Variants in DLAT observed in about 807,000 individuals in gnomAD.
DLAT encodes the protein dihydrolipoyllysine-residue acetyltransferase component of pyruvate dehydrogenase complex, mitochondrial.
Under a neutral mutation model 68.0 loss-of-function variants are expected in DLAT, and 43 were observed. The observed-to-expected ratio is 0.63, with a 90% CI of 0.50 to 0.81. The LOEUF is 0.81. Ranked by LOEUF, DLAT falls within the 40% of genes least tolerant of loss-of-function variation. The pLI is 0.00. For synonymous variants in DLAT, 265 were observed against 288.6 expected (o/e 0.92, Z 0.83); for missense variants, 745 against 815.4 (o/e 0.91, Z 1.05).
chr11:112,050,828 A>G (rs1025769985), intron 10 of DLAT, among the ~76,000 whole-genome samples: 1 of 152,250 alleles, frequency 6.6e-6, no homozygotes, highest in East Asian at 1.9e-4. Flanking sequence ...ATGACATAAC[A>G]TACTGTAACT....
At chr11:112,028,723 AT>A in intron 3 of DLAT, 68 bp from the exon 4 acceptor site, 1 of 1,613,938 alleles carries the variant, frequency 6.2e-7, no homozygotes, top group Non-Finnish European at 8.5e-7. Context: ...GTTAAAGACT[AT>A]TTTTTAAGAC....
At chr11:112,061,329 T>C in intron 13 of DLAT, 155 bp downstream of exon 13, 1 of 749,616 alleles carries the variant, frequency 1.3e-6, no homozygotes, top group Non-Finnish European at 2.3e-6. Context: ...AATATTTGCA[T>C]ATAACCTACA....
chr11:112,027,242 C>T (rs1417014657), intron 2 of DLAT, among the ~76,000 whole-genome samples: 6 of 150,710 alleles, frequency 4.0e-5, no homozygotes, highest in Non-Finnish European at 7.4e-5. Flanking sequence ...CGGGAAGAGA[C>T]GCTCCTCACC....
Position 112,033,463 on chromosome 11 carries a change from A to G in DLAT, c.720A>G (p.Lys240=), listed in dbSNP as rs782756596. 6.2e-7 allele frequency: 1 copy of G among 1,613,960 alleles called. No homozygotes were observed. Among genetic ancestry groups the G allele is most frequent in the South Asian group, 1.1e-5 (1 of 91,046 alleles). Residue 240 remains lysine, a synonymous_variant, in exon 5 of 14, where the codon AAA becomes AAG. Coordinates refer to ENST00000280346, the MANE Select transcript of DLAT (RefSeq NM_001931.5). The part of the protein sequence containing the change: ...MTMGTVQRWE[K]KVGEKLSEGD... ...TGGGCACAGTTCAGAGATGGGAAAA[A>G]AAAGTGGGTGAGAAGCTAAGTGAAG...
intron 5 of DLAT, among the ~76,000 whole-genome samples, chr11:112,034,994 C>T (rs187920815): frequency 1.3e-5 from 2 of 152,034 alleles, no homozygotes; most frequent in Admixed American, 6.6e-5. Context: ...AGGCTGGTCT[C>T]GAGCTCTTTA....
intron 13 of DLAT, 111 bp downstream of exon 13, chr11:112,061,285 C>A: frequency 8.9e-7 from 1 of 1,126,632 alleles, no homozygotes; most frequent in Non-Finnish European, 1.3e-6. Flanking sequence ...ATATCGTGAT[C>A]CACAATGCTC....
intron 5 of DLAT, among the ~76,000 whole-genome samples, chr11:112,035,314 T>A (rs1381957417): frequency 6.6e-6 from 1 of 152,178 alleles, no homozygotes; most frequent in Non-Finnish European, 1.5e-5. Context: ...CCCATAAATT[T>A]TATTTGAAGA....
intron 10 of DLAT, among the ~76,000 whole-genome samples, chr11:112,046,281 G>A (rs1555181477): frequency 6.6e-6 from 1 of 152,024 alleles, no homozygotes; most frequent in Non-Finnish European, 1.5e-5. Flanking sequence ...TCTATTTTGA[G>A]TTAATTTTTT....
intron 5 of DLAT, 108 bp from the exon 6 acceptor site, chr11:112,037,165 A>C: frequency 3.9e-6 from 4 of 1,032,316 alleles, no homozygotes; most frequent in Non-Finnish European, 5.9e-6. Context: ...AAAAAAGGCT[A>C]TATAGCTAGC....
intron 4 of DLAT, chr11:112,030,239 A>G (rs1432852346): frequency 3.5e-6 from 2 of 577,958 alleles, no homozygotes; most frequent in African/African-American, 1.9e-5. Flanking sequence ...AGAACTACCC[A>G]AAGTTCTCGG....
In DLAT at chr11:112,045,858, T is replaced by C. The variant is rs587668153; in HGVS notation, c.1291-5T>C. The stretch of plus-strand genomic sequence containing the variant: ...AATTGATTTTTTAAATCTCTTTGGT[T>C]TCAGGTTATTGCACAGCGATTAATG... On this transcript the variant is annotated splice_region_variant and splice_polypyrimidine_tract_variant and intron_variant, in intron 9 of 13. Transcript: ENST00000280346. The C allele has an allele frequency of 1.9e-6, 3 of 1,584,876 alleles. No homozygotes were observed. In the Admixed American group the frequency reaches 5.0e-5, roughly 26 times the overall value.
Position 112,061,413 on chromosome 11 carries a change from C to T in DLAT, c.1814+239C>T, listed in dbSNP as rs927360208. On this transcript the variant is annotated intron_variant, in intron 13 of 13. Coordinates refer to ENST00000280346, the MANE Select transcript of DLAT (RefSeq NM_001931.5). ...AAACAGCACTTCATTCACATGGATCCAGTGTAGTGCCCGGTGTGCAGCAAA... is the reference window on the plus strand; with the variant it reads ...AAACAGCACTTCATTCACATGGATCTAGTGTAGTGCCCGGTGTGCAGCAAA... 1.0e-5 allele frequency: 5 copies of T among 491,444 alleles called. No individual in the cohort carries two copies. The Admixed American group carries it at 1.7e-4, about 17-fold the overall frequency. The allele number at this position is 491,444 out of a possible 1,614,324, so 30.4% of individuals were successfully genotyped here.
At position 112,035,772 on chromosome 11, in the gene DLAT, G is replaced by A. The variant is rs1250209283; in HGVS notation, c.788-1501G>A. Reference sequence around the variant, plus strand: ...CAAAGTGCTGGGATTACAGGCGTGAGCCACCACCGCACCCAGCCTTTTTTT... The same window carrying A: ...CAAAGTGCTGGGATTACAGGCGTGAACCACCACCGCACCCAGCCTTTTTTT... On this transcript the variant is annotated intron_variant, in intron 5 of 13. Coordinates refer to ENST00000280346, the MANE Select transcript of DLAT (RefSeq NM_001931.5). Among the ~76,000 whole-genome samples, 5 of 143,712 alleles carry A rather than the reference G, an allele frequency of 3.5e-5. No homozygotes were observed. In the East Asian group the frequency reaches 1.0e-3, roughly 29 times the overall value. 94.3% of individuals were successfully genotyped at this position (143,712 alleles called of 152,430 possible).
chr11:112,059,034 G>T (rs1460004610), intron 11 of DLAT, among the ~76,000 whole-genome samples: 2 of 150,558 alleles, frequency 1.3e-5, no homozygotes, highest in African/African-American at 4.9e-5. Context: ...CTTGATAACA[G>T]AAGATCTGAT....
rs957900061 is a variant in DLAT at position 112,063,990 on chromosome 11, G to C, written c.*1455G>C. ...TGTTTCTAAATATTCATTATTACAT[G>C]GTACACAAGTGACACTCCATATATT... On this transcript the variant is annotated 3_prime_UTR_variant, in exon 14 of 14. Coordinates refer to ENST00000280346, the MANE Select transcript of DLAT (RefSeq NM_001931.5). 39 of 500,974 alleles carry C rather than the reference G, an allele frequency of 7.8e-5. No homozygotes were observed. Among genetic ancestry groups the C allele is most frequent in the Non-Finnish European group, 7.5e-5 (22 of 295,072 alleles). The allele number at this position is 500,974 out of a possible 1,614,324, so 31.0% of individuals were successfully genotyped here. A position where few individuals can be genotyped will look rare whatever the true frequency, so the allele number is the denominator to read the frequency against.
At chr11:112,027,835 G>A (rs1555179541) in intron 2 of DLAT, among the ~76,000 whole-genome samples, 1 of 152,126 alleles carries the variant, frequency 6.6e-6, no homozygotes, top group African/African-American at 2.4e-5. Context: ...GTTGCAGTGA[G>A]CCGAGAAGGC....
In DLAT at chr11:112,051,438, G is replaced by A. The variant is rs1236521983; in HGVS notation, c.1514+89G>A. The A allele has an allele frequency of 1.4e-5, 13 of 945,688 alleles. No homozygotes were observed. The highest frequency in any genetic ancestry group is 3.2e-5 in the African/African-American group (2 of 61,974). The allele number at this position is 945,688 out of a possible 1,614,324, so 58.6% of individuals were successfully genotyped here. A position where few individuals can be genotyped will look rare whatever the true frequency, so the allele number is the denominator to read the frequency against. ...TGGAGTTGAGGGGATAAGGAGAAAT[G>A]GAATACAGAGAGGCAGATGACTTAC... On this transcript the variant is annotated intron_variant, in intron 11 of 13. Transcript: ENST00000280346. The surrounding 1 kb of genome is among the most constrained non-coding windows in gnomAD (Gnocchi z 4.3).
At chr11:112,026,122 T>TA in intron 1 of DLAT, 76 bp from the exon 2 acceptor site, 1 of 1,145,102 alleles carries the variant, frequency 8.7e-7, no homozygotes, top group Non-Finnish European at 1.3e-6. Context: ...TGAAATTGAA[T>TA]TGAATGAAAT....
intron 7 of DLAT, among the ~76,000 whole-genome samples, chr11:112,043,131 C>G (rs1863132186): frequency 6.6e-6 from 1 of 152,094 alleles, no homozygotes. Context: ...ATCCTTATGC[C>G]ACATTTCCCA....
Sources: gnomAD v4.1 joint callset for allele counts (sites outside exome capture counted in the v4.1 genomes callset) on GRCh38, gnomAD v4.1.1 for gene constraint, Gnocchi (gnomAD v3.1) non-coding constraint, MANE v1.5 for transcripts, NCBI Gene and HGNC (gene_info 2026-07-23, HGNC 2026-07-21) for gene names.